The following VPS52 variants were observed in gnomAD, a reference collection of about 807,000 sequenced individuals.
VPS52 encodes VPS52 subunit of GARP complex, also known as vacuolar protein sorting-associated protein 52 homolog.
A neutral mutation model predicts 98.7 loss-of-function variants in VPS52; 56 were observed. The observed-to-expected ratio is 0.57, with a 90% confidence interval of 0.46 to 0.71. VPS52 has a LOEUF of 0.71. VPS52 is among the 30% of genes least tolerant of loss of function. The pLI is 0.00. For missense variants in VPS52, 742 were observed against 925.9 expected, an observed-to-expected ratio of 0.80 and a Z score of 2.58; for synonymous variants, 348 against 346.4, an observed-to-expected ratio of 1.00 and a Z score of -0.05.
intron 13 of VPS52, 56 bp downstream of exon 13, chr6:33,264,726 T>C: frequency 6.5e-7 from 1 of 1,543,272 alleles, no homozygotes; most frequent in Non-Finnish European, 9.0e-7. Context: ...GGCAGAGTCA[T>C]GCAAGACCAA....
Position 33,267,232 on chromosome 6 carries a change from C to A in VPS52, c.1081G>T (p.Ala361Ser). 1 of 1,595,770 alleles carries A rather than the reference C, an allele frequency of 6.3e-7. No individual in the cohort carries two copies. ...GCTGTGTGAGGCACCAGGATGGGGG[C>A]CTCAAGTTCAGTGGGGGAGATGACA... ...GSVISPTELEAPILVPHTAQR... is the reference protein window; with the variant it reads ...GSVISPTELESPILVPHTAQR... Residue 361 changes from alanine (A) to serine (S), a missense_variant, in exon 11 of 20, where the codon GCC becomes TCC. Physicochemically the swap from Ala to Ser is moderately conservative, Grantham distance 99. This residue lies in a region of VPS52 where 590 missense variants were observed against 793.3 expected (regional missense o/e 0.74). Coordinates refer to ENST00000445902, the MANE Select transcript of VPS52 (RefSeq NM_022553.6). The surrounding 1 kb of genome is among the most constrained non-coding windows in gnomAD (Gnocchi z 4.2).
chr6:33,261,238 G>GCT (rs1244207657), intron 17 of VPS52, among the ~76,000 whole-genome samples: 2 of 151,640 alleles, frequency 1.3e-5, no homozygotes, highest in Non-Finnish European at 2.9e-5. Context: ...AGGCCCAGGT[G>GCT]GGAGGATCAC....
intron 1 of VPS52, 100 bp downstream of exon 1, chr6:33,271,486 G>T (rs1239421987): frequency 6.6e-7 from 1 of 1,506,858 alleles, no homozygotes; most frequent in Non-Finnish European, 9.0e-7. Flanking sequence ...AATATCACGG[G>T]TAGCAGCCAA....
At chr6:33,266,408 TG>T in intron 12 of VPS52, 148 bp downstream of exon 12, 1 of 1,014,770 alleles carries the variant, frequency 9.9e-7, no homozygotes, top group Non-Finnish European at 1.4e-6. Context: ...GCTGGGATTA[TG>T]GGTGTGCACT....
In VPS52 at chr6:33,271,671, G is replaced by A. The variant is rs1325711908; in HGVS notation, c.5C>T (p.Ala2Val). The change falls in exon 1 of 20, where the codon GCC becomes GTC. Residue 2 changes from alanine to valine, a missense_variant. This residue lies in a region of VPS52 where 152 missense variants were observed against 132.6 expected (regional missense o/e 1.15). Coordinates refer to ENST00000445902, the MANE Select transcript of VPS52 (RefSeq NM_022553.6). M[A>V]AAATMAAAAR... ...CGCAGCCGCCATGGTCGCAGCGGCGGCCATTCCCCGCAGCCTCACTTCCGG... is the reference window on the plus strand; with the variant it reads ...CGCAGCCGCCATGGTCGCAGCGGCGACCATTCCCCGCAGCCTCACTTCCGG... 6.2e-7 allele frequency: 1 copy of A among 1,607,088 alleles called. No homozygotes were observed. Among genetic ancestry groups the A allele is most frequent in the Non-Finnish European group, 8.5e-7 (1 of 1,176,350 alleles).
intron 17 of VPS52, among the ~76,000 whole-genome samples, chr6:33,255,635 A>G (rs1172572283): frequency 6.6e-6 from 1 of 151,488 alleles, no homozygotes; most frequent in East Asian, 1.9e-4. Flanking sequence ...AATACAAAAT[A>G]CAAAAAAAAT....
chr6:33,251,821 C>T, intron 18 of VPS52, 39 bp downstream of exon 18: 1 of 1,602,760 alleles, frequency 6.2e-7, no homozygotes, highest in Non-Finnish European at 8.5e-7. Context: ...TTCCACTTCC[C>T]TTACCACTGA....
chr6:33,263,078 T>TA (rs1334074643), intron 17 of VPS52, among the ~76,000 whole-genome samples: 1 of 151,468 alleles, frequency 6.6e-6, no homozygotes, highest in South Asian at 2.1e-4. Context: ...AGAGGATAGA[T>TA]AAAGAAAAAA....
chr6:33,253,780 C>T (rs1052807768), intron 17 of VPS52, among the ~76,000 whole-genome samples: 7 of 151,648 alleles, frequency 4.6e-5, no homozygotes, highest in African/African-American at 1.7e-4. Flanking sequence ...ATAAAAATAA[C>T]ATTCTGATAC....
At position 33,268,058 on chromosome 6, in the gene VPS52, G is replaced by T; in HGVS notation, c.800+50C>A. 1 of 1,612,978 alleles carries T rather than the reference G, an allele frequency of 6.2e-7. No individual in the cohort carries two copies. Among genetic ancestry groups the T allele is most frequent in the Non-Finnish European group, 8.5e-7 (1 of 1,179,972 alleles). ...CCAAGAAACCAGATGCCCACACTAGGCCGCTCAAAAACTCAAAGGCCATCC... is the reference window on the plus strand; with the variant it reads ...CCAAGAAACCAGATGCCCACACTAGTCCGCTCAAAAACTCAAAGGCCATCC... On this transcript the variant is annotated intron_variant, in intron 8 of 19. Transcript: ENST00000445902. The surrounding 1 kb of genome is among the most constrained non-coding windows in gnomAD (Gnocchi z 4.0).
chr6:33,270,287 G>T lies in VPS52; in HGVS notation c.91-4C>A. On this transcript the variant is annotated splice_polypyrimidine_tract_variant and splice_region_variant and intron_variant, in intron 1 of 19. Transcript: ENST00000445902. ...CCTGGAGCCCAGGACCACCCGCCTG[G>T]AAAGGGATAAGTTAATGGGAGTAGG... is the stretch of plus-strand genomic sequence containing the variant. 3 of 1,610,540 alleles carry T rather than the reference G, an allele frequency of 1.9e-6. No individual in the cohort carries two copies. The highest frequency in any genetic ancestry group is 4.5e-5 in the East Asian group (2 of 44,730).
intron 17 of VPS52, among the ~76,000 whole-genome samples, chr6:33,263,070 A>G (rs1350939597): frequency 1.3e-5 from 2 of 152,138 alleles, no homozygotes; most frequent in African/African-American, 4.8e-5. Flanking sequence ...AATGCTTGAG[A>G]GGATAGATAA....
chr6:33,256,229 G>C (rs1762930615), intron 17 of VPS52, among the ~76,000 whole-genome samples: 2 of 151,922 alleles, frequency 1.3e-5, no homozygotes, highest in Non-Finnish European at 2.9e-5. Flanking sequence ...AGGAGGCCAG[G>C]TGGAGTGGCT....
Position 33,268,470 on chromosome 6 carries a change from C to A in VPS52, c.699+29G>T. ...ATCTTGGGAAGGCTGCTTCCAGTAGCCTCCAGGGTATCCATCCCTACTTCC... is the reference window on the plus strand; with the variant it reads ...ATCTTGGGAAGGCTGCTTCCAGTAGACTCCAGGGTATCCATCCCTACTTCC... On this transcript the variant is annotated intron_variant, in intron 7 of 19. Coordinates refer to ENST00000445902, the MANE Select transcript of VPS52 (RefSeq NM_022553.6). This position sits in a 1 kb window ranked among gnomAD's most constrained non-coding sequence, Gnocchi z 4.0. 1 of 1,569,224 alleles carries A rather than the reference C, an allele frequency of 6.4e-7. No individual in the cohort carries two copies. The highest frequency in any genetic ancestry group is 8.7e-7 in the Non-Finnish European group (1 of 1,155,384).
rs1562574182 is a variant in VPS52 at position 33,268,619 on chromosome 6, G to A, written c.579C>T (p.Pro193=). ...GCTCCTGTAGCTGCTCCAAGAACCT[G>A]GGCTCTGTCACTGGAGCCTCCAGAA... ...TAILEAPVTE[P]RFLEQLQELD... The change falls in exon 7 of 20, where the codon CCC becomes CCT. Residue 193 remains proline, a synonymous_variant. Transcript: ENST00000445902. The surrounding 1 kb of genome is among the most constrained non-coding windows in gnomAD (Gnocchi z 4.0). 1.2e-6 allele frequency: 2 copies of A among 1,608,752 alleles called. No homozygotes were observed. Among genetic ancestry groups the A allele is most frequent in the Non-Finnish European group, 8.5e-7 (1 of 1,179,774 alleles).
At chr6:33,259,137 G>C (rs371567721) in intron 17 of VPS52, among the ~76,000 whole-genome samples, 1 of 152,144 alleles carries the variant, frequency 6.6e-6, no homozygotes, top group Admixed American at 6.6e-5. Flanking sequence ...AGTGAGACTC[G>C]CATTTATTCA....
At chr6:33,270,161 G>C in intron 2 of VPS52, 38 bp downstream of exon 2, 1 of 1,612,258 alleles carries the variant, frequency 6.2e-7, no homozygotes, top group African/African-American at 1.3e-5. Context: ...ATGCCTCTCA[G>C]ATTACAGGTA....
At chr6:33,253,539 GA>G (rs1762570144) in intron 17 of VPS52, among the ~76,000 whole-genome samples, 1 of 150,278 alleles carries the variant, frequency 6.7e-6, no homozygotes, top group Non-Finnish European at 1.5e-5. Flanking sequence ...GGGAAAATCT[GA>G]ATAGTTATTT....
chr6:33,251,960 T>C lies in VPS52; in HGVS notation c.1806A>G (p.Glu602=). The stretch of plus-strand genomic sequence containing the variant: ...CCCCAAAAGGGGGAGACAGCAACTC[T>C]TCAATGAATTCCTGGAAAGACACAA... ...LLNARTQEFI[E]ELLSPPFGGL... Residue 602 remains glutamate, a synonymous_variant, in exon 18 of 20, where the codon GAA becomes GAG. Coordinates refer to ENST00000445902, the MANE Select transcript of VPS52 (RefSeq NM_022553.6). 1 of 1,613,100 alleles carries C rather than the reference T, an allele frequency of 6.2e-7. No homozygotes were observed. Among genetic ancestry groups the C allele is most frequent in the African/African-American group, 1.3e-5 (1 of 75,070 alleles).
Sources: allele counts gnomAD v4.1 joint callset (sites outside exome capture counted in the v4.1 genomes callset), GRCh38; gene constraint gnomAD v4.1.1; regional missense constraint gnomAD v4.1.1; non-coding constraint Gnocchi (gnomAD v3.1); transcripts MANE v1.5; gene names NCBI Gene and HGNC (gene_info 2026-07-23, HGNC 2026-07-21).